The following PFKP variants were observed in gnomAD, a reference collection of about 807,000 sequenced individuals.
PFKP encodes ATP-dependent 6-phosphofructokinase, platelet type.
In PFKP, 101 loss-of-function variants were observed where a neutral mutation model predicts 94.3. The observed-to-expected ratio is 1.07, with a 90% CI of 0.91 to 1.26. PFKP has a LOEUF of 1.26. Among genes scored for constraint, PFKP ranks in the 50% most tolerant of loss-of-function variants. The pLI is 0.00. For missense variants in PFKP, 1,145 were observed against 1,103.3 expected (o/e 1.04, Z -0.53); for synonymous variants, 573 against 432.6 (o/e 1.32, Z -4.03).
Position 3,101,558 on chromosome 10 carries a change from AG to A in PFKP, c.454+5del. On this transcript the variant is annotated splice_donor_5th_base_variant and intron_variant, in intron 4 of 21. Transcript: ENST00000381125. ...CTGGAGGAGCTGGCCAGGAACGGTG[AG>A]TGGACACCTGCTCCTCTGTCCTGCG... is the stretch of plus-strand genomic sequence containing the variant. 11 of 1,523,548 alleles carry A rather than the reference AG, an allele frequency of 7.2e-6. No homozygotes were observed. Among genetic ancestry groups the A allele is most frequent in the Admixed American group, 4.2e-5 (2 of 47,858 alleles). 94.4% of individuals were successfully genotyped at this position (1,523,548 alleles called of 1,614,324 possible). A position where few individuals can be genotyped will look rare whatever the true frequency, so the allele number is the denominator to read the frequency against.
chr10:3,098,622 G>A (rs1202530461), intron 2 of PFKP, among the ~76,000 whole-genome samples: 1 of 139,308 alleles, frequency 7.2e-6, no homozygotes, highest in Non-Finnish European at 1.5e-5. Context: ...GCAGTGAGCC[G>A]AGATCGCGCC....
chr10:3,131,619 G>A (rs920270049), intron 17 of PFKP, among the ~76,000 whole-genome samples: 1 of 152,086 alleles, frequency 6.6e-6, no homozygotes, highest in African/African-American at 2.4e-5. Context: ...ACCACGCCTG[G>A]CTAATTTTTT....
At chr10:3,136,310 AATTGGCTTTATC>A in intron 21 of PFKP, 128 bp from the exon 22 acceptor site, 3 of 731,404 alleles carry the variant, frequency 4.1e-6, no homozygotes, top group Non-Finnish European at 6.8e-6. Context: ...TTGATCCTGA[AATTGGCTTTATC>A]ATCTAGTTGA....
At chr10:3,091,543 C>T (rs368173319) in intron 2 of PFKP, among the ~76,000 whole-genome samples, 17 of 152,118 alleles carry the variant, frequency 1.1e-4, no homozygotes, top group South Asian at 4.1e-4. Context: ...TGCCGAGCAC[C>T]GTGGCTCATA....
intron 17 of PFKP, among the ~76,000 whole-genome samples, chr10:3,130,884 T>A (rs556398577): frequency 0.24 from 36,370 of 151,882 alleles, 4,376 homozygotes; most frequent in East Asian, 0.3. Flanking sequence ...GTTAGGATGT[T>A]ACTTGTTTCT....
intron 2 of PFKP, among the ~76,000 whole-genome samples, chr10:3,091,713 G>A (rs1439781460): frequency 1.3e-5 from 2 of 152,168 alleles, no homozygotes; most frequent in Non-Finnish European, 2.9e-5. Flanking sequence ...TTGAACTCAG[G>A]AGGTGGAGGT....
chr10:3,126,212 C>G (rs1013854461), intron 16 of PFKP, among the ~76,000 whole-genome samples: 2 of 152,234 alleles, frequency 1.3e-5, no homozygotes, highest in Non-Finnish European at 2.9e-5. Flanking sequence ...AGCAGAGGAG[C>G]CATGAGGTCG....
chr10:3,135,715 C>CT (rs768260558), intron 20 of PFKP, 21 bp from the exon 21 acceptor site: 1 of 1,497,192 alleles, frequency 6.7e-7, no homozygotes. Flanking sequence ...TGTTATTAAT[C>CT]TTTTTTAAAA....
At position 3,082,416 on chromosome 10, in the gene PFKP, G is replaced by A. The variant is rs747466794; in HGVS notation, c.141G>A (p.Val47=). 1.7e-5 allele frequency: 28 copies of A among 1,607,766 alleles called. No individual in the cohort carries two copies. Among genetic ancestry groups the A allele is most frequent in the Non-Finnish European group, 2.4e-5 (28 of 1,175,972 alleles). Residue 47 remains valine, a synonymous_variant, in exon 2 of 22, where the codon GTG becomes GTA. Coordinates refer to ENST00000381125, the MANE Select transcript of PFKP (RefSeq NM_002627.5). ...QGMNAAVRAV[V]RMGIYVGAKV... is the part of the protein sequence containing the mutation. ...TGAACGCTGCCGTCCGTGCCGTGGT[G>A]CGCATGGGTATCTACGTGGGGGCCA... is the stretch of plus-strand genomic sequence containing the variant.
chr10:3,101,146 C>G (rs781515074), intron 3 of PFKP: 94 of 768,102 alleles, frequency 1.2e-4, no homozygotes, highest in Non-Finnish European at 1.9e-4. Flanking sequence ...CCCTCCCTGG[C>G]TCCTCCTGGG....
At position 3,122,309 on chromosome 10, in the gene PFKP, C is replaced by T. The variant is rs185141706; in HGVS notation, c.1683+2265C>T. On this transcript the variant is annotated intron_variant, in intron 16 of 21. Transcript: ENST00000381125. ...TTCTAGTCTCGTGATGGGTGAGTGG[C>T]GCCGTCTGACCGAGGTCACCCTGGC... 2.1e-3 allele frequency among the ~76,000 whole-genome samples: 314 copies of T among 152,188 alleles called. 1 individual carries two copies. Among genetic ancestry groups the T allele is most frequent in the African/African-American group, 7.3e-3 (301 of 41,502 alleles).
In PFKP at chr10:3,101,466, G is replaced by A. The variant is rs772868509; in HGVS notation, c.366G>A (p.Leu122=). The change falls in exon 4 of 22, where the codon CTG becomes CTA. Residue 122 remains leucine (L), a synonymous_variant. Transcript: ENST00000381125. ...TGCTGCAGCGCGGCATCACCAACCT[G>A]TGTGTGATCGGCGGGGACGGGAGCC... The part of the protein sequence containing the change: ...CNLLQRGITN[L]CVIGGDGSLT... 1 of 1,609,360 alleles carries A rather than the reference G, an allele frequency of 6.2e-7. No individual in the cohort carries two copies. Among genetic ancestry groups the A allele is most frequent in the African/African-American group, 1.3e-5 (1 of 74,924 alleles).
At chr10:3,131,786 G>A (rs527966509) in intron 17 of PFKP, among the ~76,000 whole-genome samples, 69 of 152,174 alleles carry the variant, frequency 4.5e-4, no homozygotes, top group South Asian at 3.1e-3. Flanking sequence ...CTGCCATTGC[G>A]CCCAGTGACA....
intron 1 of PFKP, among the ~76,000 whole-genome samples, chr10:3,077,249 C>CTTTTTTTTTTTTATTTTTT (rs35306351): frequency 1.8e-5 from 2 of 108,180 alleles, no homozygotes; most frequent in African/African-American, 3.4e-5. Context: ...CTATTCTTTA[C>CTTTTTTTTTTTTATTTTTT]TTTTTTTTTT....
intron 2 of PFKP, among the ~76,000 whole-genome samples, chr10:3,093,158 C>T (rs75961101): frequency 0.3 from 44,862 of 151,788 alleles, 7,084 homozygotes; most frequent in Middle Eastern, 0.36. Flanking sequence ...GAGCAGGTGA[C>T]AGCATTGGCC....
rs182677506 is a variant in PFKP at position 3,134,662 on chromosome 10, G to A, written c.2122+80G>A. On this transcript the variant is annotated intron_variant, in intron 20 of 21. Coordinates refer to ENST00000381125, the MANE Select transcript of PFKP (RefSeq NM_002627.5). ...GGTGAAAATGCTGTCCTATCGGGGA[G>A]AAGTAGGGTGCTGGTTCCTTCTTCA... The A allele has an allele frequency of 1.5e-3, 1,310 of 871,684 alleles. 13 individuals carry two copies. In the African/African-American group the frequency reaches 0.02, roughly 13 times the overall value. 54.0% of individuals were successfully genotyped at this position (871,684 alleles called of 1,614,324 possible).
intron 2 of PFKP, among the ~76,000 whole-genome samples, chr10:3,096,732 C>T (rs1834510735): frequency 6.6e-6 from 1 of 151,704 alleles, no homozygotes; most frequent in Admixed American, 6.6e-5. Flanking sequence ...TGCTCCCAGA[C>T]CTGAAGAATG....
chr10:3,119,574 C>T (rs1837188905), intron 15 of PFKP, among the ~76,000 whole-genome samples: 1 of 151,306 alleles, frequency 6.6e-6, no homozygotes, highest in Non-Finnish European at 1.5e-5. Flanking sequence ...CACCTCACTC[C>T]AGCCTGGGCC....
chr10:3,134,619 T>G, intron 20 of PFKP, 37 bp downstream of exon 20: 1 of 1,329,896 alleles, frequency 7.5e-7, no homozygotes, highest in Non-Finnish European at 1.1e-6. Context: ...AGCCTCGTGA[T>G]GCAGGCCGTC....
Sources: gnomAD v4.1 joint callset for allele counts (sites outside exome capture counted in the v4.1 genomes callset) on GRCh38, gnomAD v4.1.1 for gene constraint, MANE v1.5 for transcripts, NCBI Gene and HGNC (gene_info 2026-07-23, HGNC 2026-07-21) for gene names.